Variants in GARNL3 observed in about 807,000 individuals in gnomAD.
GARNL3 encodes the protein GTPase-activating Rap/Ran-GAP domain-like protein 3.
A neutral mutation model predicts 125.0 loss-of-function variants in GARNL3; 63 were observed. The ratio of observed to expected loss-of-function variants is 0.50; its 90% CI spans 0.41 to 0.62. The LOEUF (loss-of-function observed/expected upper bound fraction) is 0.62, where lower values mean the gene tolerates loss of function less well. Among genes scored for constraint, GARNL3 ranks in the 20% least tolerant of loss-of-function variants. The probability of loss-of-function intolerance (pLI) is 0.00; values close to 1 mark genes in which losing one functional copy is unlikely to be tolerated. For synonymous variants in GARNL3, 439 were observed against 457.5 expected, an observed-to-expected ratio of 0.96 and a Z score of 0.52; for missense variants, 994 against 1,244.0, an observed-to-expected ratio of 0.80 and a Z score of 3.02.
rs960702341 is a variant in GARNL3 at position 127,335,166 on chromosome 9, T to G, written c.770-64T>G. ...ATACAGTATTTCCCTAGTCTGCAAA[T>G]GAAAATGCTTTCCTTTTGGCTCGAA... On this transcript the variant is annotated intron_variant, in intron 9 of 27. Transcript: ENST00000373387. The G allele has an allele frequency of 3.3e-5, 37 of 1,125,922 alleles. No homozygotes were observed. The African/African-American group carries it at 5.6e-4, about 17-fold the overall frequency. 69.7% of individuals were successfully genotyped at this position (1,125,922 alleles called of 1,614,324 possible). A position where few individuals can be genotyped will look rare whatever the true frequency, so the allele number is the denominator to read the frequency against.
intron 1 of GARNL3, among the ~76,000 whole-genome samples, chr9:127,284,572 A>C (rs934973977): frequency 2.0e-5 from 3 of 151,742 alleles, no homozygotes; most frequent in African/African-American, 7.3e-5. Flanking sequence ...TCTAGTGGTT[A>C]ATGCTTAGTT....
At chr9:127,317,378 T>C (rs1052314935) in intron 4 of GARNL3, among the ~76,000 whole-genome samples, 4 of 152,176 alleles carry the variant, frequency 2.6e-5, no homozygotes, top group African/African-American at 9.7e-5. Flanking sequence ...CCATTGAACA[T>C]GTGGAGACTG....
At chr9:127,305,269 C>G (rs1350614589) in intron 2 of GARNL3, among the ~76,000 whole-genome samples, 1 of 152,156 alleles carries the variant, frequency 6.6e-6, no homozygotes, top group African/African-American at 2.4e-5. Context: ...CTTTACTGTC[C>G]ACTAGTACTA....
At chr9:127,299,045 G>A (rs1044827605) in intron 2 of GARNL3, among the ~76,000 whole-genome samples, 1 of 152,140 alleles carries the variant, frequency 6.6e-6, no homozygotes, top group Non-Finnish European at 1.5e-5. Context: ...GGCCAGGCAC[G>A]GTGGCTCACG....
chr9:127,244,628 A>C (rs2063264627), intron 2 of GARNL3, among the ~76,000 whole-genome samples: 1 of 152,218 alleles, frequency 6.6e-6, no homozygotes, highest in East Asian at 1.9e-4. Flanking sequence ...TAAGTGAATA[A>C]AAAATAATTA....
chr9:127,278,861 G>A (rs2064028078), intron 1 of GARNL3, among the ~76,000 whole-genome samples: 1 of 152,058 alleles, frequency 6.6e-6, no homozygotes, highest in Admixed American at 6.5e-5. Context: ...TTGTAGCTGC[G>A]TCACTCCAGT....
intron 19 of GARNL3, among the ~76,000 whole-genome samples, chr9:127,354,775 C>T (rs1042100724): frequency 6.6e-6 from 1 of 152,160 alleles, no homozygotes; most frequent in Non-Finnish European, 1.5e-5. Flanking sequence ...GTAGGACTTT[C>T]TTTCCTTTCC....
At chr9:127,240,984 TTAA>T (rs1242348606) in intron 1 of GARNL3, among the ~76,000 whole-genome samples, 4 of 152,152 alleles carry the variant, frequency 2.6e-5, no homozygotes, top group South Asian at 2.1e-4. Context: ...TGAAAAACTA[TTAA>T]TGAGATGTTT....
intron 1 of GARNL3, among the ~76,000 whole-genome samples, chr9:127,273,952 CTT>C (rs907667528): frequency 3.8e-4 from 58 of 152,162 alleles, no homozygotes; most frequent in African/African-American, 1.3e-3. Flanking sequence ...ATCTTATTCT[CTT>C]GTTTTCAGTT....
Position 127,311,637 on chromosome 9 carries a change from A to G in GARNL3, c.221A>G (p.Asn74Ser). The G allele has an allele frequency of 6.2e-7, 1 of 1,611,850 alleles. No homozygotes were observed. Among genetic ancestry groups the G allele is most frequent in the South Asian group, 1.1e-5 (1 of 91,036 alleles). ...TGTCACAACTTTGTTCCATTACAGA[A>G]TGCAACTGCCCTGCCTGGTACTTGG... Reference protein sequence around the residue: ...FRVENGSSDENATALPGTWRR... With the variant: ...FRVENGSSDESATALPGTWRR... The change falls in exon 3 of 28, where the codon AAT becomes AGT. Residue 74 changes from asparagine to serine, a missense_variant and splice_region_variant. Asn to Ser is a conservative substitution (Grantham distance 46, BLOSUM62 1). This residue lies in a region of GARNL3 where 139 missense variants were observed against 231.6 expected (regional missense o/e 0.60). Transcript: ENST00000373387.
At chr9:127,250,160 A>G (rs2063375131) in intron 2 of GARNL3, among the ~76,000 whole-genome samples, 1 of 152,206 alleles carries the variant, frequency 6.6e-6, no homozygotes, top group African/African-American at 2.4e-5. Context: ...TTTTCCTTTT[A>G]AATACATACA....
At chr9:127,263,497 C>T (rs1022601093), upstream of GARNL3, among the ~76,000 whole-genome samples, 1 of 152,138 alleles carries the variant, frequency 6.6e-6, no homozygotes, top group Non-Finnish European at 1.5e-5. Context: ...GCCAGTGATG[C>T]GGGCTTGGTA....
At chr9:127,369,230 G>A (rs1831473542) in intron 22 of GARNL3, 1 of 152,198 alleles carries the variant, frequency 6.6e-6, no homozygotes. Flanking sequence ...TGAGCAGCTG[G>A]GAGAATGGAG....
At chr9:127,295,148 A>G (rs1274002549) in intron 2 of GARNL3, among the ~76,000 whole-genome samples, 1 of 152,248 alleles carries the variant, frequency 6.6e-6, no homozygotes, top group Admixed American at 6.5e-5. Context: ...AAGGAATTGG[A>G]TATCATCCAG....
intron 2 of GARNL3, among the ~76,000 whole-genome samples, chr9:127,246,004 T>C (rs953757881): frequency 6.6e-6 from 1 of 152,052 alleles, no homozygotes; most frequent in Non-Finnish European, 1.5e-5. Context: ...TGAACACCAA[T>C]GAAGTTGACC....
intron 1 of GARNL3, among the ~76,000 whole-genome samples, chr9:127,284,392 A>G (rs561307879): frequency 1.5e-3 from 224 of 152,234 alleles, no homozygotes; most frequent in African/African-American, 5.2e-3. Context: ...TATTATCACT[A>G]TATGTATTTG....
rs1832938434 is a variant in GARNL3 at position 127,392,822 on chromosome 9, T to C, written c.2871-261T>C. On this transcript the variant is annotated intron_variant, in intron 27 of 27. Transcript: ENST00000373387. The surrounding 1 kb of genome is among the most constrained non-coding windows in gnomAD (Gnocchi z 5.2). ...GGGAGGGTTTTAGGCAGGATGACAT[T>C]ATCTGGATTTGCACTTTAGAAAGGT... Among the ~76,000 whole-genome samples, 2 of 152,106 alleles carry C rather than the reference T, an allele frequency of 1.3e-5. No individual in the cohort carries two copies. Among genetic ancestry groups the C allele is most frequent in the Admixed American group, 1.3e-4 (2 of 15,258 alleles).
intron 22 of GARNL3, among the ~76,000 whole-genome samples, 165 bp downstream of exon 22, chr9:127,365,531 C>T (rs897154301): frequency 3.9e-5 from 6 of 152,146 alleles, no homozygotes; most frequent in African/African-American, 1.2e-4. Flanking sequence ...CTGAGTCTCC[C>T]GCTGCGCACC....
intron 10 of GARNL3, among the ~76,000 whole-genome samples, chr9:127,335,639 CTCTT>C (rs1829511727): frequency 6.6e-6 from 1 of 152,042 alleles, no homozygotes; most frequent in East Asian, 1.9e-4. Flanking sequence ...TTTTGTCTCT[CTCTT>C]TTTTTTTAAT....
Sources: allele counts gnomAD v4.1 joint callset (sites outside exome capture counted in the v4.1 genomes callset), GRCh38; gene constraint gnomAD v4.1.1; regional missense constraint gnomAD v4.1.1; non-coding constraint Gnocchi (gnomAD v3.1); transcripts MANE v1.5; gene names NCBI Gene and HGNC (gene_info 2026-07-23, HGNC 2026-07-21).